The following PTPRD variants were observed in gnomAD, a reference collection of about 807,000 sequenced individuals.
PTPRD encodes receptor-type tyrosine-protein phosphatase delta.
A neutral mutation model predicts 214.5 loss-of-function variants in PTPRD; 34 were observed. The ratio of observed to expected loss-of-function variants is 0.16; its 90% CI spans 0.12 to 0.21. The LOEUF (loss-of-function observed/expected upper bound fraction) is 0.21. Among genes scored for constraint, PTPRD ranks in the 10% least tolerant of loss-of-function variants. The pLI is 1.00. For missense variants in PTPRD, 2,545 were observed against 2,398.7 expected, an observed-to-expected ratio of 1.06 and a Z score of -1.27; for synonymous variants, 1,128 against 845.7, an observed-to-expected ratio of 1.33 and a Z score of -5.79.
intron 8 of PTPRD, among the ~76,000 whole-genome samples, chr9:9,491,348 G>C (rs898171186): frequency 6.6e-6 from 1 of 151,822 alleles, no homozygotes; most frequent in African/African-American, 2.4e-5. Flanking sequence ...GATAATAGTT[G>C]GGGACTTTAA....
chr9:9,929,794 T>C (rs892605754), intron 5 of PTPRD, among the ~76,000 whole-genome samples: 2 of 151,850 alleles, frequency 1.3e-5, no homozygotes, highest in Non-Finnish European at 2.9e-5. Context: ...AAAAGTTACA[T>C]AGAGCTATGT....
chr9:10,248,312 C>T (rs760393597), intron 3 of PTPRD, among the ~76,000 whole-genome samples: 2 of 151,888 alleles, frequency 1.3e-5, no homozygotes, highest in African/African-American at 2.4e-5. Context: ...TACTTAAGAA[C>T]ATACATAAAA....
At chr9:10,056,253 G>A (rs1052357775) in intron 3 of PTPRD, among the ~76,000 whole-genome samples, 13 of 151,650 alleles carry the variant, frequency 8.6e-5, no homozygotes, top group Non-Finnish European at 1.3e-4. Flanking sequence ...CCTGGGAGGC[G>A]GAGATTGCAG....
At chr9:9,177,513 TATTAG>T (rs753448772) in intron 10 of PTPRD, among the ~76,000 whole-genome samples, 58 of 152,274 alleles carry the variant, frequency 3.8e-4, no homozygotes, top group East Asian at 9.6e-4. Flanking sequence ...TTAGAAAATA[TATTAG>T]AGCATAACTA....
chr9:10,173,371 A>T (rs921724432), intron 3 of PTPRD, among the ~76,000 whole-genome samples: 9 of 152,292 alleles, frequency 5.9e-5, no homozygotes, highest in Non-Finnish European at 1.0e-4. Context: ...AGTACAAAAA[A>T]TGAGTTAAGG....
At chr9:9,563,885 T>A (rs980336652) in intron 8 of PTPRD, among the ~76,000 whole-genome samples, 16 of 152,132 alleles carry the variant, frequency 1.1e-4, no homozygotes, top group Admixed American at 2.0e-4. Context: ...GTTAACCTTA[T>A]CCATTGATAT....
At chr9:9,979,546 T>C (rs139059158) in intron 4 of PTPRD, among the ~76,000 whole-genome samples, 1 of 152,182 alleles carries the variant, frequency 6.6e-6, no homozygotes, top group East Asian at 1.9e-4. Context: ...TACAGTGATA[T>C]ATACAATTTA....
At chr9:8,355,927 GAC>G (rs2076882285) in intron 39 of PTPRD, among the ~76,000 whole-genome samples, 1 of 152,016 alleles carries the variant, frequency 6.6e-6, no homozygotes, top group Admixed American at 6.6e-5. Context: ...TGTAAATACA[GAC>G]AAAAAGGTGC....
chr9:9,073,918 G>C (rs1207328719), intron 10 of PTPRD, among the ~76,000 whole-genome samples: 1 of 152,016 alleles, frequency 6.6e-6, no homozygotes, highest in African/African-American at 2.4e-5. Flanking sequence ...CATCTAGTCT[G>C]TGTAATATTG....
intron 2 of PTPRD, among the ~76,000 whole-genome samples, chr9:10,547,799 G>C (rs1351144476): frequency 2.6e-5 from 4 of 152,034 alleles, no homozygotes; most frequent in Admixed American, 6.6e-5. Flanking sequence ...AACAATGACA[G>C]ATTGCTGTAT....
chr9:10,234,064 C>T (rs563436936), intron 3 of PTPRD, among the ~76,000 whole-genome samples: 345 of 151,642 alleles, frequency 2.3e-3, no homozygotes, highest in Non-Finnish European at 4.1e-3. Flanking sequence ...ACCAGCCTGG[C>T]CAACATGGTG....
rs1191383443 is a variant in PTPRD at position 9,954,301 on chromosome 9, A to AC, written c.-471-15692_-471-15691insG. 8.9e-4 allele frequency among the ~76,000 whole-genome samples: 120 copies of AC among 135,144 alleles called. 1 individual carries two copies. The highest frequency in any genetic ancestry group is 2.6e-3 in the African/African-American group (88 of 34,314). 88.7% of individuals were successfully genotyped at this position (135,144 alleles called of 152,430 possible). On this transcript the variant is annotated intron_variant, in intron 4 of 45. Coordinates refer to ENST00000381196, the MANE Select transcript of PTPRD (RefSeq NM_002839.4). ...GATTGAGACTCTGTCTCAAAACAAA[A>AC]AAAAAAAAAAAAAAAAAAAAAAAGA...
At chr9:9,045,608 A>G (rs2099670221) in intron 10 of PTPRD, among the ~76,000 whole-genome samples, 1 of 152,122 alleles carries the variant, frequency 6.6e-6, no homozygotes, top group Non-Finnish European at 1.5e-5. Flanking sequence ...TGAGCTTTGA[A>G]TGACACATTA....
intron 11 of PTPRD, chr9:8,858,275 T>G (rs1007749065): frequency 2.6e-5 from 4 of 153,418 alleles, no homozygotes; most frequent in African/African-American, 9.7e-5. Context: ...CCCCCCTCGG[T>G]GCCTCCCTCC....
chr9:9,678,647 T>C (rs1003274153), intron 7 of PTPRD, among the ~76,000 whole-genome samples: 1 of 151,706 alleles, frequency 6.6e-6, no homozygotes, highest in South Asian at 2.1e-4. Context: ...CAGGGTTCTG[T>C]CTCGCCATGC....
chr9:8,328,262 C>G (rs1402383507), intron 44 of PTPRD, among the ~76,000 whole-genome samples: 1 of 152,140 alleles, frequency 6.6e-6, no homozygotes, highest in African/African-American at 2.4e-5. Context: ...GATTTTATTT[C>G]TCCTTCACTT....
At chr9:8,525,328 A>G in intron 17 of PTPRD, 1 of 471,902 alleles carries the variant, frequency 2.1e-6, no homozygotes, top group Non-Finnish European at 3.9e-6. Context: ...TAAAATGAAG[A>G]TGGGTGAGAC....
chr9:10,291,473 T>A (rs2095526442), intron 3 of PTPRD, among the ~76,000 whole-genome samples: 1 of 152,070 alleles, frequency 6.6e-6, no homozygotes, highest in Non-Finnish European at 1.5e-5. Context: ...GGACCCTACA[T>A]ATAATCACAA....
chr9:9,187,482 A>G (rs974166911), intron 9 of PTPRD, among the ~76,000 whole-genome samples: 1 of 152,076 alleles, frequency 6.6e-6, no homozygotes, highest in African/African-American at 2.4e-5. Flanking sequence ...AGTTTGTACA[A>G]TACAAAGCCA....
Sources: allele counts gnomAD v4.1 joint callset (sites outside exome capture counted in the v4.1 genomes callset), GRCh38; gene constraint gnomAD v4.1.1; transcripts MANE v1.5; gene names NCBI Gene and HGNC (gene_info 2026-07-23, HGNC 2026-07-21).